The following OPCML variants were observed in gnomAD, a reference collection of about 807,000 sequenced individuals.
The protein encoded by OPCML is opioid binding protein/cell adhesion molecule like.
Under a neutral mutation model 37.8 loss-of-function variants are expected in OPCML, and 13 were observed. The observed-to-expected ratio is 0.34, with a 90% CI of 0.22 to 0.55. OPCML has a LOEUF of 0.55. OPCML is among the 20% of genes least tolerant of loss of function. The probability of loss-of-function intolerance (pLI) is 0.91; values close to 1 mark genes in which losing one functional copy is unlikely to be tolerated. For missense variants in OPCML, 341 were observed against 435.6 expected (o/e 0.78, Z 1.93); for synonymous variants, 176 against 168.8 (o/e 1.04, Z -0.33).
rs1475085104 is a variant in OPCML, at chr11:133,369,689, C to T, written c.61+162575G>A. Among the ~76,000 whole-genome samples the T allele has an allele frequency of 4.6e-5, 7 of 152,200 alleles. No homozygotes were observed. The East Asian group carries it at 1.4e-3, about 29-fold the overall frequency. On this transcript the variant is annotated intron_variant, in intron 1 of 7. Coordinates refer to ENST00000524381, the MANE Select transcript of OPCML (RefSeq NM_001012393.5). Reference sequence around the variant, plus strand: ...CTTGAAAAGAATTCCCAACTCTGTACCATTCACCATACACACACACATACA... The same window carrying T: ...CTTGAAAAGAATTCCCAACTCTGTATCATTCACCATACACACACACATACA...
chr11:133,298,006 C>T (rs1263022592), intron 1 of OPCML: 1 of 152,224 alleles, frequency 6.6e-6, no homozygotes, highest in African/African-American at 2.4e-5. Flanking sequence ...TTCTATTTCT[C>T]CCCCTTCTCC....
At chr11:132,655,263 CCACTGAGGTGG>C (rs1160086462) in intron 3 of OPCML, among the ~76,000 whole-genome samples, 5 of 152,222 alleles carry the variant, frequency 3.3e-5, no homozygotes, top group Non-Finnish European at 7.3e-5. Context: ...CACAGAGGTG[CCACTGAGGTGG>C]CACTTCCGAT....
chr11:133,439,472 T>C, intron 1 of OPCML: 1 of 983,420 alleles, frequency 1.0e-6, no homozygotes, highest in South Asian at 4.7e-5. Context: ...TTGTTTTTGT[T>C]TTTTTTCTTT....
intron 1 of OPCML, among the ~76,000 whole-genome samples, chr11:133,146,687 C>A (rs146245468): frequency 1.3e-5 from 2 of 152,192 alleles, no homozygotes; most frequent in East Asian, 3.9e-4. Context: ...TCTTGAACTC[C>A]TGACCTCAGG....
At chr11:133,037,674 G>A (rs1286288445) in intron 1 of OPCML, among the ~76,000 whole-genome samples, 1 of 152,134 alleles carries the variant, frequency 6.6e-6, no homozygotes, top group Non-Finnish European at 1.5e-5. Context: ...AGAAAATGAA[G>A]GGAACCCAGC....
At chr11:132,642,989 G>A (rs1218713070) in intron 3 of OPCML, among the ~76,000 whole-genome samples, 1 of 152,204 alleles carries the variant, frequency 6.6e-6, no homozygotes, top group South Asian at 2.1e-4. Context: ...CCAGCAATGT[G>A]ATTAGTTCTC....
At chr11:133,269,598 A>G (rs1346518289) in intron 1 of OPCML, among the ~76,000 whole-genome samples, 1 of 152,164 alleles carries the variant, frequency 6.6e-6, no homozygotes, top group South Asian at 2.1e-4. Flanking sequence ...AATGATGAAC[A>G]CTGTGAATTT....
chr11:132,479,368 G>C (rs1226221623), intron 4 of OPCML, among the ~76,000 whole-genome samples: 2 of 152,186 alleles, frequency 1.3e-5, no homozygotes, highest in Non-Finnish European at 2.9e-5. Flanking sequence ...TGGCTCGGAG[G>C]GTCCTATGCC....
At chr11:133,409,393 G>A (rs12269822) in intron 1 of OPCML, among the ~76,000 whole-genome samples, 2,736 of 152,268 alleles carry the variant, frequency 0.018, 37 homozygotes, top group South Asian at 0.065. Context: ...AAAGCTTTAA[G>A]GTGAGGTGTA....
chr11:132,955,877 C>T (rs909017876), intron 1 of OPCML, among the ~76,000 whole-genome samples: 1 of 152,136 alleles, frequency 6.6e-6, no homozygotes, highest in African/African-American at 2.4e-5. Flanking sequence ...AGCAAGACAC[C>T]ATCTCAAAAA....
At chr11:132,997,983 C>T (rs1201359267) in intron 1 of OPCML, among the ~76,000 whole-genome samples, 2 of 152,186 alleles carry the variant, frequency 1.3e-5, no homozygotes, top group African/African-American at 2.4e-5. Context: ...AAGAACTTGC[C>T]TGACCCCTAG....
chr11:133,388,787 A>C (rs1392207969), intron 1 of OPCML, among the ~76,000 whole-genome samples: 2 of 152,214 alleles, frequency 1.3e-5, no homozygotes, highest in African/African-American at 4.8e-5. Flanking sequence ...CTTTTAACCC[A>C]GGTTATGAGG....
At chr11:132,592,152 C>A (rs895101003) in intron 3 of OPCML, among the ~76,000 whole-genome samples, 8 of 152,214 alleles carry the variant, frequency 5.3e-5, no homozygotes, top group African/African-American at 1.9e-4. Flanking sequence ...GAGACGGAAG[C>A]CTCTCTCTAG....
intron 1 of OPCML, among the ~76,000 whole-genome samples, chr11:133,147,039 A>G (rs1226814329): frequency 2.0e-5 from 3 of 152,220 alleles, no homozygotes; most frequent in Non-Finnish European, 4.4e-5. Context: ...TCTCCAAGGC[A>G]GCCCCATCAA....
chr11:132,874,160 C>T (rs1942920376), intron 2 of OPCML, among the ~76,000 whole-genome samples: 2 of 152,146 alleles, frequency 1.3e-5, no homozygotes, highest in Admixed American at 1.3e-4. Flanking sequence ...CTTCTTTTCT[C>T]CCCATGACAT....
intron 2 of OPCML, among the ~76,000 whole-genome samples, chr11:132,855,897 C>T (rs1176797495): frequency 6.6e-6 from 1 of 152,216 alleles, no homozygotes; most frequent in African/African-American, 2.4e-5. Context: ...AGCTTCAAGA[C>T]CCTTAATTGC....
intron 1 of OPCML, among the ~76,000 whole-genome samples, chr11:133,379,390 C>T (rs773847273): frequency 1.3e-5 from 2 of 152,226 alleles, no homozygotes; most frequent in Non-Finnish European, 2.9e-5. Context: ...GCTCCCTCTG[C>T]GGCCACACCC....
At chr11:132,630,111 T>C (rs1024804094) in intron 3 of OPCML, among the ~76,000 whole-genome samples, 1 of 152,230 alleles carries the variant, frequency 6.6e-6, no homozygotes, top group Non-Finnish European at 1.5e-5. Context: ...ATCCACAATA[T>C]GTATCTCAGC....
chr11:133,054,866 G>T (rs1343649959), intron 1 of OPCML, among the ~76,000 whole-genome samples: 6 of 151,778 alleles, frequency 4.0e-5, no homozygotes, highest in African/African-American at 1.5e-4. Flanking sequence ...ACTGTACAAT[G>T]CTGCCTCCAT....
Sources: allele counts gnomAD v4.1 joint callset (sites outside exome capture counted in the v4.1 genomes callset), GRCh38; gene constraint gnomAD v4.1.1; transcripts MANE v1.5; gene names NCBI Gene and HGNC (gene_info 2026-07-23, HGNC 2026-07-21).